The following MACO1 variants were observed in gnomAD, a reference collection of about 807,000 sequenced individuals.
MACO1 encodes the protein macoilin 1, also known as macoilin.
MACO1 carries 14 observed loss-of-function variants against 78.7 expected under a neutral mutation model. The observed-to-expected ratio is 0.18, with a 90% CI of 0.12 to 0.28. The LOEUF (loss-of-function observed/expected upper bound fraction) is 0.28, where lower values mean the gene tolerates loss of function less well. Among genes scored for constraint, MACO1 ranks in the 10% least tolerant of loss-of-function variants. The probability of loss-of-function intolerance (pLI) is 1.00; values close to 1 mark genes in which losing one functional copy is unlikely to be tolerated. For missense variants in MACO1, 501 were observed against 799.0 expected (o/e 0.63, Z 4.50); for synonymous variants, 288 against 291.6 (o/e 0.99, Z 0.12).
intron 8 of MACO1, among the ~76,000 whole-genome samples, chr1:25,488,440 A>G (rs2043454358): frequency 6.6e-6 from 1 of 152,364 alleles, no homozygotes; most frequent in African/African-American, 2.4e-5. Context: ...ACCCTGGAGT[A>G]TAAAAGAAAT....
At chr1:25,478,090 CA>C (rs67012283) in intron 6 of MACO1, among the ~76,000 whole-genome samples, 7,669 of 152,106 alleles carry the variant, frequency 0.05, 601 homozygotes, top group African/African-American at 0.17. Context: ...ACAAAAAATA[CA>C]AACATTAGCC....
Position 25,489,293 on chromosome 1 carries a change from G to C in MACO1, c.1617G>C (p.Gln539His), listed in dbSNP as rs1017520946. The C allele has an allele frequency of 1.2e-6, 2 of 1,613,052 alleles. No individual in the cohort carries two copies. The highest frequency in any genetic ancestry group is 1.7e-6 in the Non-Finnish European group (2 of 1,179,702). Residue 539 changes from glutamine (Q) to histidine (H), a missense_variant and splice_region_variant, in exon 9 of 11, where the codon CAG becomes CAC. By Grantham distance (24) the Gln-to-His change is conservative. Transcript: ENST00000374343. ...DQIRELELKV[Q>H]ELRKYKENEK... The stretch of plus-strand genomic sequence containing the variant: ...TCAGAGAACTAGAACTAAAAGTCCA[G>C]GTAAGGGGGGAACAAAAGACTTCCC...
chr1:25,440,105 T>A (rs2124570465), intron 1 of MACO1, among the ~76,000 whole-genome samples: 1 of 151,538 alleles, frequency 6.6e-6, no homozygotes, highest in East Asian at 1.9e-4. Context: ...AAATTAAAAC[T>A]GGCTGGATGT....
In MACO1 at chr1:25,498,839, A is replaced by T. The variant is rs1159373450; in HGVS notation, c.*373A>T. The stretch of plus-strand genomic sequence containing the variant: ...TGTTTGTTTTGTTTTATTCTTAAAT[A>T]AGCAAGCAAAACCTGCACATTGGAT... On this transcript the variant is annotated 3_prime_UTR_variant, in exon 11 of 11. Coordinates refer to ENST00000374343, the MANE Select transcript of MACO1 (RefSeq NM_018202.6). 1 of 176,872 alleles carries T rather than the reference A, an allele frequency of 5.7e-6. No individual in the cohort carries two copies. The highest frequency in any genetic ancestry group is 1.6e-4 in the East Asian group (1 of 6,314). The allele number at this position is 176,872 out of a possible 1,614,324, so 11.0% of individuals were successfully genotyped here. A position where few individuals can be genotyped will look rare whatever the true frequency, so the allele number is the denominator to read the frequency against.
At chr1:25,470,361 G>A (rs2043256907) in intron 6 of MACO1, among the ~76,000 whole-genome samples, 1 of 152,234 alleles carries the variant, frequency 6.6e-6, no homozygotes, top group Non-Finnish European at 1.5e-5. Flanking sequence ...AACAGAAGGT[G>A]GAGAAGAAGA....
At chr1:25,482,306 T>C (rs1571984804) in intron 6 of MACO1, among the ~76,000 whole-genome samples, 1 of 152,322 alleles carries the variant, frequency 6.6e-6, no homozygotes, top group East Asian at 1.9e-4. Flanking sequence ...TACAAAATTA[T>C]TGAGATCCAG....
intron 9 of MACO1, among the ~76,000 whole-genome samples, chr1:25,490,189 G>C (rs557760147): frequency 2.7e-4 from 41 of 152,148 alleles, no homozygotes; most frequent in Middle Eastern, 6.8e-3. Flanking sequence ...TGAAAAAATT[G>C]ATTGGGGAAG....
chr1:25,478,621 T>C (rs369794996), intron 6 of MACO1, among the ~76,000 whole-genome samples: 6 of 152,216 alleles, frequency 3.9e-5, no homozygotes, highest in Non-Finnish European at 5.9e-5. Flanking sequence ...GTGAGTTAGA[T>C]AATAGGATTC....
chr1:25,481,638 C>G (rs2043379768), intron 6 of MACO1, among the ~76,000 whole-genome samples: 1 of 152,224 alleles, frequency 6.6e-6, no homozygotes, highest in Admixed American at 6.5e-5. Context: ...GCATTGACCT[C>G]TTTCGGAATA....
At chr1:25,475,966 T>C (rs1018332086) in intron 6 of MACO1, among the ~76,000 whole-genome samples, 6 of 152,234 alleles carry the variant, frequency 3.9e-5, no homozygotes, top group African/African-American at 1.4e-4. Context: ...CAATCAAATA[T>C]GAATGTACTG....
At chr1:25,440,813 A>G (rs2042965712) in intron 1 of MACO1, among the ~76,000 whole-genome samples, 1 of 151,960 alleles carries the variant, frequency 6.6e-6, no homozygotes, top group Non-Finnish European at 1.5e-5. Context: ...TAATAAATTC[A>G]TGAGAAGACT....
chr1:25,499,073 A>T lies in MACO1; in HGVS notation c.*607A>T, dbSNP rs1292030170. ...GTGATGAAACTAGCTGTAAGAATGT[A>T]ACAGGGGTTGTGTTTGAAATATTTA... On this transcript the variant is annotated 3_prime_UTR_variant, in exon 11 of 11. Coordinates refer to ENST00000374343, the MANE Select transcript of MACO1 (RefSeq NM_018202.6). The T allele has an allele frequency of 2.0e-5, 3 of 152,286 alleles. No homozygotes were observed. Among genetic ancestry groups the T allele is most frequent in the Non-Finnish European group, 4.4e-5 (3 of 68,072 alleles). 9.4% of individuals were successfully genotyped at this position (152,286 alleles called of 1,614,324 possible).
At chr1:25,466,338 A>C (rs1279524106) in intron 6 of MACO1, among the ~76,000 whole-genome samples, 2 of 152,118 alleles carry the variant, frequency 1.3e-5, no homozygotes, top group East Asian at 1.9e-4. Context: ...TTTGAGACGG[A>C]GTTTCACTCT....
chr1:25,486,459 A>G (rs577653587), intron 8 of MACO1, among the ~76,000 whole-genome samples: 11 of 152,084 alleles, frequency 7.2e-5, no homozygotes, highest in African/African-American at 2.2e-4. Flanking sequence ...TTCACTTATC[A>G]CTTTTTCCTT....
At chr1:25,465,588 C>G (rs1466829795) in intron 6 of MACO1, among the ~76,000 whole-genome samples, 2 of 152,096 alleles carry the variant, frequency 1.3e-5, no homozygotes, top group African/African-American at 4.8e-5. Context: ...ATCTGTGCAT[C>G]TTTTTTTGGT....
intron 6 of MACO1, 60 bp downstream of exon 6, chr1:25,458,952 A>G (rs2043147976): frequency 2.6e-6 from 4 of 1,548,056 alleles, no homozygotes; most frequent in Admixed American, 1.9e-5. Flanking sequence ...TACTCTTGAC[A>G]TACTCCCATA....
At chr1:25,462,108 G>C (rs1323748271) in intron 6 of MACO1, among the ~76,000 whole-genome samples, 1 of 151,930 alleles carries the variant, frequency 6.6e-6, no homozygotes, top group Non-Finnish European at 1.5e-5. Flanking sequence ...CTAGAGAGTG[G>C]GTTTGTTATC....
intron 1 of MACO1, among the ~76,000 whole-genome samples, chr1:25,435,934 C>G (rs2042915710): frequency 6.6e-6 from 1 of 152,174 alleles, no homozygotes; most frequent in Non-Finnish European, 1.5e-5. Context: ...CCTGTCTGAG[C>G]AGTCTTGGCA....
intron 3 of MACO1, 68 bp downstream of exon 3, chr1:25,449,002 T>TTG (rs2043040618): frequency 1.5e-6 from 2 of 1,337,742 alleles, no homozygotes; most frequent in Non-Finnish European, 2.0e-6. Context: ...GGTTATTTCT[T>TTG]TGAATACATT....
Sources: gnomAD v4.1 joint callset for allele counts (sites outside exome capture counted in the v4.1 genomes callset) on GRCh38, gnomAD v4.1.1 for gene constraint, MANE v1.5 for transcripts, NCBI Gene and HGNC (gene_info 2026-07-23, HGNC 2026-07-21) for gene names.